KIF15: variants seen among roughly 807,000 people sequenced by gnomAD.
KIF15 encodes kinesin-like protein KIF15.
Under a neutral mutation model 190.6 loss-of-function variants are expected in KIF15, and 140 were observed. That is an observed-to-expected ratio of 0.73 (90% CI 0.64 to 0.84). The LOEUF (loss-of-function observed/expected upper bound fraction) is 0.84. KIF15 is among the 40% of genes least tolerant of loss of function. The pLI is 0.00. For missense variants in KIF15, 1,372 were observed against 1,584.4 expected, an observed-to-expected ratio of 0.87 and a Z score of 2.28; for synonymous variants, 528 against 551.3, an observed-to-expected ratio of 0.96 and a Z score of 0.59.
intron 1 of KIF15, among the ~76,000 whole-genome samples, chr3:44,762,440 CTT>C (rs773638919): frequency 6.6e-6 from 1 of 152,184 alleles, no homozygotes; most frequent in African/African-American, 2.4e-5. Context: ...ATTTCTTTCT[CTT>C]TTTCACGGAG....
intron 20 of KIF15, among the ~76,000 whole-genome samples, chr3:44,818,556 C>T (rs1027301886): frequency 2.6e-5 from 4 of 152,066 alleles, no homozygotes; most frequent in African/African-American, 9.7e-5. Flanking sequence ...TATTGATTTG[C>T]GTATGTTGAA....
chr3:44,809,680 G>C (rs1399779028), intron 16 of KIF15, among the ~76,000 whole-genome samples: 1 of 148,064 alleles, frequency 6.8e-6, no homozygotes, highest in Non-Finnish European at 1.5e-5. Flanking sequence ...CCCTACCTCT[G>C]CAAAAAAAAA....
At chr3:44,795,363 T>C (rs1706925373) in intron 8 of KIF15, among the ~76,000 whole-genome samples, 1 of 152,034 alleles carries the variant, frequency 6.6e-6, no homozygotes, top group Admixed American at 6.5e-5. Flanking sequence ...GCTCAATGGA[T>C]GGGTTGGTTA....
Position 44,784,918 on chromosome 3 carries a change from C to A in KIF15, c.435C>A (p.Ser145=). 6.4e-7 allele frequency: 1 copy of A among 1,565,850 alleles called. No homozygotes were observed. Among genetic ancestry groups the A allele is most frequent in the East Asian group, 2.3e-5 (1 of 44,346 alleles). Residue 145 remains serine (S), a synonymous_variant, in exon 6 of 35, where the codon TCC becomes TCA. Transcript: ENST00000326047. ...CACGAAGTTTTGAATATTTGTTTTC[C>A]TTAATTGATCGTGAAAAAGAAAAGG... ...VIPRSFEYLF[S]LIDREKEKAG... is the part of the protein sequence containing the mutation.
At chr3:44,763,765 G>A (rs1705261042) in intron 1 of KIF15, among the ~76,000 whole-genome samples, 1 of 151,624 alleles carries the variant, frequency 6.6e-6, no homozygotes, top group South Asian at 2.1e-4. Flanking sequence ...TTGGCTCACT[G>A]CAATCTCCAC....
At chr3:44,839,499 A>C (rs1698488331) in intron 27 of KIF15, among the ~76,000 whole-genome samples, 1 of 152,204 alleles carries the variant, frequency 6.6e-6, no homozygotes, top group Non-Finnish European at 1.5e-5. Context: ...ATTATTAATC[A>C]AGTTCTGAAA....
intron 6 of KIF15, chr3:44,862,636 A>G (rs755381545): frequency 6.6e-6 from 1 of 152,366 alleles, no homozygotes; most frequent in East Asian, 1.9e-4. Flanking sequence ...TACTGTAGGC[A>G]TAAGAGGATA....
chr3:44,805,709 AT>A, intron 15 of KIF15, 135 bp from the exon 16 acceptor site: 1 of 859,358 alleles, frequency 1.2e-6, no homozygotes, highest in Non-Finnish European at 1.8e-6. Context: ...AATGATGGGA[AT>A]AATCTGAGAG....
chr3:44,815,975 A>G (rs1302677612), intron 20 of KIF15, among the ~76,000 whole-genome samples: 1 of 152,204 alleles, frequency 6.6e-6, no homozygotes, highest in Admixed American at 6.5e-5. Flanking sequence ...ACAACCAGAA[A>G]TTGAAAGAGA....
intron 19 of KIF15, 78 bp from the exon 20 acceptor site, chr3:44,814,833 A>G: frequency 8.9e-7 from 1 of 1,124,022 alleles, no homozygotes; most frequent in South Asian, 2.2e-5. Context: ...GATTTTGCTA[A>G]TTGTGGGACT....
chr3:44,767,912 A>AAG (rs1705470529), intron 1 of KIF15, among the ~76,000 whole-genome samples: 1 of 150,350 alleles, frequency 6.7e-6, no homozygotes, highest in African/African-American at 2.4e-5. Context: ...AAAAAAAAAA[A>AAG]AAAGGAGTGT....
At chr3:44,786,263 A>G (rs1706400265) in intron 6 of KIF15, 132 bp from the exon 7 acceptor site, 2 of 591,620 alleles carry the variant, frequency 3.4e-6, no homozygotes, top group Admixed American at 7.0e-5. Flanking sequence ...ACTTTTAGGT[A>G]TCTTATATTG....
In KIF15 at chr3:44,794,225, T is replaced by A. The variant is rs1264240770; in HGVS notation, c.648T>A (p.Ser216=). 2 of 1,613,206 alleles carry A rather than the reference T, an allele frequency of 1.2e-6. No individual in the cohort carries two copies. The highest frequency in any genetic ancestry group is 1.7e-6 in the Non-Finnish European group (2 of 1,179,564). Residue 216 remains serine, a synonymous_variant, in exon 8 of 35, where the codon TCT becomes TCA. Transcript: ENST00000326047. ...GTTTTCCTTTTGCATAGGTGTTGTCTGGAGGATGGAGGAATAGACGTGTGG... is the reference window on the plus strand; with the variant it reads ...GTTTTCCTTTTGCATAGGTGTTGTCAGGAGGATGGAGGAATAGACGTGTGG... ...TSAAEAYQVL[S]GGWRNRRVAS...
intron 26 of KIF15, among the ~76,000 whole-genome samples, chr3:44,836,173 C>T (rs1489422039): frequency 1.3e-5 from 2 of 152,020 alleles, no homozygotes; most frequent in Non-Finnish European, 2.9e-5. Context: ...ATGACGAAAC[C>T]CCATCTCTAC....
intron 7 of KIF15, among the ~76,000 whole-genome samples, chr3:44,790,200 C>G (rs942182390): frequency 6.7e-6 from 1 of 150,258 alleles, no homozygotes; most frequent in Non-Finnish European, 1.5e-5. Context: ...TTTTTTGAGA[C>G]GGAGTCTCAC....
intron 22 of KIF15, chr3:44,827,086 T>C (rs1000787019): frequency 2.2e-6 from 1 of 457,358 alleles, no homozygotes; most frequent in African/African-American, 2.0e-5. Flanking sequence ...TTTATTGATA[T>C]CCAACAAGCC....
rs1214042600 is a variant in KIF15 at position 44,811,028 on chromosome 3, G to C, written c.2154G>C (p.Glu718Asp). Residue 718 changes from glutamate (E) to aspartate (D), a missense_variant, in exon 17 of 35, where the codon GAG becomes GAC. Transcript: ENST00000326047. Reference protein sequence around the residue: ...NEQAFEAISEELRTVQEQMSA... With the variant: ...NEQAFEAISEDLRTVQEQMSA... ...AAGCTTTTGAGGCCATTTCTGAAGA[G>C]CTTAGAACAGTGCAGGTAATGTTTT... is the stretch of plus-strand genomic sequence containing the variant. 6.2e-7 allele frequency: 1 copy of C among 1,608,200 alleles called. No homozygotes were observed. The highest frequency in any genetic ancestry group is 2.2e-5 in the East Asian group (1 of 44,836).
chr3:44,762,669 T>G (rs779956204), intron 1 of KIF15, among the ~76,000 whole-genome samples: 1 of 152,224 alleles, frequency 6.6e-6, no homozygotes, highest in Non-Finnish European at 1.5e-5. Flanking sequence ...ATTTGTGAAC[T>G]TCTGTCATTT....
chr3:44,828,333 C>A, intron 24 of KIF15, 33 bp downstream of exon 24: 1 of 1,452,480 alleles, frequency 6.9e-7, no homozygotes, highest in Non-Finnish European at 9.7e-7. Context: ...TCTCTCTGTG[C>A]ATTTTCTTAT....
Sources: gnomAD v4.1 joint callset for allele counts (sites outside exome capture counted in the v4.1 genomes callset) on GRCh38, gnomAD v4.1.1 for gene constraint, MANE v1.5 for transcripts, NCBI Gene and HGNC (gene_info 2026-07-23, HGNC 2026-07-21) for gene names.